The following LEPR variants were observed in gnomAD, a reference collection of about 807,000 sequenced individuals.
LEPR encodes leptin receptor, also known as OB receptor.
In LEPR, 56 loss-of-function variants were observed where a neutral mutation model predicts 114.7. The ratio of observed to expected loss-of-function variants is 0.49; its 90% CI spans 0.39 to 0.61. The LOEUF (loss-of-function observed/expected upper bound fraction) is 0.61, where lower values mean the gene tolerates loss of function less well. Among genes scored for constraint, LEPR ranks in the 20% least tolerant of loss-of-function variants. The pLI is 0.00. For synonymous variants in LEPR, 443 were observed against 461.4 expected (o/e 0.96, Z 0.51); for missense variants, 1,202 against 1,352.9 (o/e 0.89, Z 1.75).
intron 19 of LEPR, among the ~76,000 whole-genome samples, chr1:65,628,162 A>G (rs979687893): frequency 2.0e-5 from 3 of 152,198 alleles, no homozygotes; most frequent in African/African-American, 7.2e-5. Context: ...GGATAATACC[A>G]TATGTGATTA....
rs532742877 is a variant in LEPR, at chr1:65,610,677, C to A, written c.1995+381C>A. Among the ~76,000 whole-genome samples the A allele has an allele frequency of 2.0e-5, 3 of 152,180 alleles. No individual in the cohort carries two copies. The South Asian group carries it at 6.2e-4, about 31-fold the overall frequency. ...AACAATGTAAATGTCACCTTCCCCGCACACCCCAAGGGCATCTAACACATG... is the reference window on the plus strand; with the variant it reads ...AACAATGTAAATGTCACCTTCCCCGAACACCCCAAGGGCATCTAACACATG... On this transcript the variant is annotated intron_variant, in intron 14 of 19. Coordinates refer to ENST00000349533, the MANE Select transcript of LEPR (RefSeq NM_002303.6).
intron 2 of LEPR, among the ~76,000 whole-genome samples, chr1:65,547,315 G>A (rs2100694814): frequency 6.6e-6 from 1 of 152,300 alleles, no homozygotes; most frequent in Admixed American, 6.5e-5. Flanking sequence ...GATGATGCTG[G>A]CCTCATAAAA....
chr1:65,599,326 C>A (rs1656287293), intron 8 of LEPR, among the ~76,000 whole-genome samples: 1 of 152,054 alleles, frequency 6.6e-6, no homozygotes, highest in Admixed American at 6.6e-5. Context: ...CATAGAGGCT[C>A]CAGAGGCTTG....
intron 2 of LEPR, among the ~76,000 whole-genome samples, chr1:65,547,944 T>C (rs1338424928): frequency 6.6e-6 from 1 of 150,932 alleles, no homozygotes; most frequent in Non-Finnish European, 1.5e-5. Flanking sequence ...TGTGGGCATT[T>C]AGTGCTATAA....
At chr1:65,465,640 T>G (rs1004670551) in intron 2 of LEPR, among the ~76,000 whole-genome samples, 2 of 152,100 alleles carry the variant, frequency 1.3e-5, no homozygotes, top group Non-Finnish European at 2.9e-5. Context: ...AAGTCTCCCA[T>G]TATTATTGTG....
intron 2 of LEPR, chr1:65,525,996 G>GGGGGT (rs1649928738): frequency 1.3e-6 from 1 of 768,238 alleles, no homozygotes; most frequent in Non-Finnish European, 1.6e-6. Flanking sequence ...GGCGGGCGGC[G>GGGGGT]GGGGTGGGGT....
At chr1:65,454,982 C>T (rs958380394) in intron 2 of LEPR, among the ~76,000 whole-genome samples, 5 of 152,120 alleles carry the variant, frequency 3.3e-5, no homozygotes, top group Non-Finnish European at 5.9e-5. Context: ...TTGCTCGTTT[C>T]TTTTTATTCT....
At position 65,558,218 on chromosome 1, in the gene LEPR, T is replaced by C. The variant is rs560220865; in HGVS notation, c.-20-7328T>C. ...CAGGGAGGAATTTGTACTCATTTAA[T>C]ATAATTAAATCATGAGGGTTCCAAA... On this transcript the variant is annotated intron_variant, in intron 2 of 19. Coordinates refer to ENST00000349533, the MANE Select transcript of LEPR (RefSeq NM_002303.6). Among the ~76,000 whole-genome samples, 10 of 152,312 alleles carry C rather than the reference T, an allele frequency of 6.6e-5. No homozygotes were observed. In the South Asian group the frequency reaches 8.3e-4, roughly 13 times the overall value.
chr1:65,635,067 A>T (rs751382529), intron 19 of LEPR: 196 of 880,560 alleles, frequency 2.2e-4, no homozygotes, highest in Admixed American at 5.0e-4. Flanking sequence ...TATTTTACTT[A>T]AGAGTATAAA....
intron 2 of LEPR, among the ~76,000 whole-genome samples, chr1:65,498,418 CT>C (rs576217475): frequency 1.3e-5 from 2 of 151,518 alleles, no homozygotes; most frequent in Middle Eastern, 3.4e-3. Context: ...CCTGAAATTA[CT>C]TTTTTTTTCT....
chr1:65,576,974 C>A, intron 5 of LEPR: 1 of 319,822 alleles, frequency 3.1e-6, no homozygotes, highest in South Asian at 3.6e-5. Flanking sequence ...CAGCCATTAT[C>A]GGTGACTTTG....
rs529048699 is a variant in LEPR at position 65,435,964 on chromosome 1, G to A, written c.-21+10586G>A. 38 of 985,174 alleles carry A rather than the reference G, an allele frequency of 3.9e-5. No individual in the cohort carries two copies. In the South Asian group the frequency reaches 1.5e-3, roughly 38 times the overall value. The allele number at this position is 985,174 out of a possible 1,614,324, so 61.0% of individuals were successfully genotyped here. On this transcript the variant is annotated intron_variant, in intron 2 of 19. Coordinates refer to ENST00000349533, the MANE Select transcript of LEPR (RefSeq NM_002303.6). Reference sequence around the variant, plus strand: ...ACATGTAACCCCAAATGTGATGTGAGAGGACGATTACTTTGTAAATAAAAC... The same window carrying A: ...ACATGTAACCCCAAATGTGATGTGAAAGGACGATTACTTTGTAAATAAAAC...
chr1:65,555,351 G>A (rs763699356), intron 2 of LEPR, among the ~76,000 whole-genome samples: 1 of 152,194 alleles, frequency 6.6e-6, no homozygotes, highest in Admixed American at 6.5e-5. Context: ...CATATCACCT[G>A]GATGAATGGT....
chr1:65,584,028 A>G (rs1367035483), intron 5 of LEPR, among the ~76,000 whole-genome samples: 1 of 152,152 alleles, frequency 6.6e-6, no homozygotes, highest in Non-Finnish European at 1.5e-5. Context: ...TATGGTGTGC[A>G]GCCCATAGTG....
chr1:65,553,444 C>T (rs1266131737), intron 2 of LEPR, among the ~76,000 whole-genome samples: 3 of 151,984 alleles, frequency 2.0e-5, no homozygotes, highest in African/African-American at 4.8e-5. Context: ...ATCTTGTCTT[C>T]ATGCTTTATT....
In LEPR at chr1:65,637,545, G is replaced by C. The variant is rs1430312234; in HGVS notation, c.*530G>C. ...TGAAGACTAATGAGCCAATTGTTAT[G>C]TACCAAATCTAAGATATGTACCATA... On this transcript the variant is annotated 3_prime_UTR_variant, in exon 20 of 20. Transcript: ENST00000349533. 6.5e-6 allele frequency: 1 copy of C among 153,046 alleles called. No individual in the cohort carries two copies. Among genetic ancestry groups the C allele is most frequent in the Non-Finnish European group, 1.5e-5 (1 of 68,616 alleles). 9.5% of individuals were successfully genotyped at this position (153,046 alleles called of 1,614,324 possible).
At chr1:65,604,509 G>T (rs1656678813) in intron 10 of LEPR, among the ~76,000 whole-genome samples, 2 of 151,988 alleles carry the variant, frequency 1.3e-5, no homozygotes, top group Admixed American at 1.3e-4. Flanking sequence ...TAGAGACAGG[G>T]TTTCCCCATG....
intron 2 of LEPR, among the ~76,000 whole-genome samples, chr1:65,530,674 G>C (rs1233023375): frequency 6.6e-6 from 1 of 152,092 alleles, no homozygotes; most frequent in East Asian, 1.9e-4. Flanking sequence ...GATTTTGGTG[G>C]GTTTTGGCCA....
At chr1:65,572,194 A>G (rs1194627352) in intron 4 of LEPR, 132 bp from the exon 5 acceptor site, 8 of 1,205,600 alleles carry the variant, frequency 6.6e-6, no homozygotes, top group Non-Finnish European at 7.8e-6. Context: ...TTCTCTCAGA[A>G]TAGGCAATGG....
Sources: allele counts gnomAD v4.1 joint callset (sites outside exome capture counted in the v4.1 genomes callset), GRCh38; gene constraint gnomAD v4.1.1; transcripts MANE v1.5; gene names NCBI Gene and HGNC (gene_info 2026-07-23, HGNC 2026-07-21).